PLCB1: variants seen among roughly 807,000 people sequenced by gnomAD.
PLCB1 encodes phospholipase C beta 1.
Under a neutral mutation model 161.8 loss-of-function variants are expected in PLCB1, and 46 were observed. The ratio of observed to expected loss-of-function variants is 0.28; its 90% CI spans 0.22 to 0.36. PLCB1 has a LOEUF of 0.36. Ranked by LOEUF, PLCB1 falls within the 10% of genes least tolerant of loss-of-function variation. The probability of loss-of-function intolerance (pLI) is 1.00; values close to 1 mark genes in which losing one functional copy is unlikely to be tolerated. For missense variants in PLCB1, 1,016 were observed against 1,472.5 expected (o/e 0.69, Z 5.07); for synonymous variants, 517 against 503.7 (o/e 1.03, Z -0.35).
chr20:8,443,689 T>G (rs1408132408), intron 3 of PLCB1, among the ~76,000 whole-genome samples: 4 of 152,230 alleles, frequency 2.6e-5, no homozygotes, highest in Non-Finnish European at 4.4e-5. Flanking sequence ...AAGAGCAGCA[T>G]GAAATGGTTA....
chr20:8,459,336 G>A (rs900346831), intron 3 of PLCB1, among the ~76,000 whole-genome samples: 3 of 152,104 alleles, frequency 2.0e-5, no homozygotes, highest in Non-Finnish European at 4.4e-5. Context: ...AGATCCTGGC[G>A]AGTCCTTAAA....
At chr20:8,235,476 G>A (rs1980270017) in intron 2 of PLCB1, among the ~76,000 whole-genome samples, 2 of 152,170 alleles carry the variant, frequency 1.3e-5, no homozygotes, top group East Asian at 1.9e-4. Flanking sequence ...ACAAAAAGAT[G>A]TGACAAAATT....
rs532594824 is a variant in PLCB1 at position 8,182,741 on chromosome 20, C to G, written c.177+32370C>G. ...GATTACAGGCGCCCGCAACCATGCC[C>G]GGCTAATTTTTGTGTTTTTAGTAGA... is the stretch of plus-strand genomic sequence containing the variant. On this transcript the variant is annotated intron_variant, in intron 2 of 31. Transcript: ENST00000338037. Among the ~76,000 whole-genome samples the G allele has an allele frequency of 3.3e-5, 5 of 151,780 alleles. No homozygotes were observed. The South Asian group carries it at 6.2e-4, about 19-fold the overall frequency.
chr20:8,471,132 A>G (rs906821258), intron 3 of PLCB1, among the ~76,000 whole-genome samples: 1 of 152,202 alleles, frequency 6.6e-6, no homozygotes, highest in African/African-American at 2.4e-5. Context: ...GTCATATTTA[A>G]TACCACCATT....
intron 4 of PLCB1, among the ~76,000 whole-genome samples, chr20:8,636,935 A>G (rs6086544): frequency 0.15 from 22,041 of 151,846 alleles, 1,581 homozygotes; most frequent in Middle Eastern, 0.21. Flanking sequence ...ACTCTTCTGC[A>G]TACCTCCATC....
At chr20:8,787,495 TCTC>T (rs1983546090) in intron 27 of PLCB1, among the ~76,000 whole-genome samples, 1 of 152,226 alleles carries the variant, frequency 6.6e-6, no homozygotes, top group South Asian at 2.1e-4. Flanking sequence ...GGAAAGAGAA[TCTC>T]CATCTATGGG....
At chr20:8,425,124 T>C (rs1979697809) in intron 3 of PLCB1, among the ~76,000 whole-genome samples, 1 of 122,108 alleles carries the variant, frequency 8.2e-6, no homozygotes, top group Non-Finnish European at 1.8e-5. Context: ...ACCTGCATTC[T>C]GAGGTGTTTT....
intron 31 of PLCB1, among the ~76,000 whole-genome samples, chr20:8,810,332 A>G (rs186576418): frequency 7.0e-4 from 106 of 152,188 alleles, no homozygotes; most frequent in Non-Finnish European, 1.2e-3. Flanking sequence ...CTGGCCTTTC[A>G]CTTCGGATGT....
intron 3 of PLCB1, among the ~76,000 whole-genome samples, chr20:8,593,269 T>C (rs1987208323): frequency 6.6e-6 from 1 of 151,754 alleles, no homozygotes; most frequent in African/African-American, 2.4e-5. Context: ...ACCTCCCAGG[T>C]TCAAGCGATC....
Position 8,268,190 on chromosome 20 carries a change from C to A in PLCB1, c.178-103192C>A, listed in dbSNP as rs1358189822. On this transcript the variant is annotated intron_variant, in intron 2 of 31. Coordinates refer to ENST00000338037, the MANE Select transcript of PLCB1 (RefSeq NM_015192.4). ...GTCCAAGTGTTCTCATTGTTCAATT[C>A]CCACCTATAAGTGAGAACATGCGGT... 7.2e-5 allele frequency among the ~76,000 whole-genome samples: 11 copies of A among 151,988 alleles called. No homozygotes were observed. The East Asian group carries it at 2.1e-3, about 29-fold the overall frequency.
At position 8,340,095 on chromosome 20, in the gene PLCB1, A is replaced by G. The variant is rs529682798; in HGVS notation, c.178-31287A>G. 2.7e-3 allele frequency among the ~76,000 whole-genome samples: 418 copies of G among 152,316 alleles called. 17 individuals are homozygous for G. Among genetic ancestry groups the G allele is most frequent in the Admixed American group, 0.027 (412 of 15,298 alleles). On this transcript the variant is annotated intron_variant, in intron 2 of 31. Coordinates refer to ENST00000338037, the MANE Select transcript of PLCB1 (RefSeq NM_015192.4). ...CAACCCCTCCTGTTGTACTTCCTAC[A>G]TATGATTGGTTTTCCAACTCTCTAA...
At chr20:8,306,342 A>G (rs1013187414) in intron 2 of PLCB1, 1 of 152,220 alleles carries the variant, frequency 6.6e-6, no homozygotes, top group African/African-American at 2.4e-5. Context: ...GGACTCCTGG[A>G]GACATTTAGA....
chr20:8,787,060 G>A (rs994799221), intron 27 of PLCB1, among the ~76,000 whole-genome samples: 2 of 152,158 alleles, frequency 1.3e-5, no homozygotes, highest in African/African-American at 4.8e-5. Context: ...TTAAAGTGTT[G>A]TAGGACCCTA....
At chr20:8,670,515 C>T (rs1485525301) in intron 9 of PLCB1, among the ~76,000 whole-genome samples, 4 of 152,186 alleles carry the variant, frequency 2.6e-5, no homozygotes, top group Non-Finnish European at 5.9e-5. Context: ...CACACCATAT[C>T]TTGGAGCTGT....
intron 2 of PLCB1, among the ~76,000 whole-genome samples, chr20:8,306,860 G>T (rs1984157532): frequency 6.6e-6 from 1 of 152,220 alleles, no homozygotes; most frequent in Non-Finnish European, 1.5e-5. Flanking sequence ...AGCTGCTGCT[G>T]CCATTTACAA....
At chr20:8,632,034 G>GTTTTTTTTTTTTT (rs750797408) in intron 4 of PLCB1, among the ~76,000 whole-genome samples, 6 of 81,750 alleles carry the variant, frequency 7.3e-5, no homozygotes, top group East Asian at 1.2e-3. Flanking sequence ...GGTTTTTTTT[G>GTTTTTTTTTTTTT]CTTTTTTTTT....
chr20:8,408,021 G>A (rs1267943753), intron 3 of PLCB1, among the ~76,000 whole-genome samples: 1 of 152,144 alleles, frequency 6.6e-6, no homozygotes, highest in Non-Finnish European at 1.5e-5. Context: ...TCCTAAATGG[G>A]ATCCTGGAAC....
intron 3 of PLCB1, among the ~76,000 whole-genome samples, chr20:8,412,124 A>G (rs1482087649): frequency 6.6e-6 from 1 of 152,226 alleles, no homozygotes; most frequent in Non-Finnish European, 1.5e-5. Flanking sequence ...TTGCATGTGG[A>G]GGAATACATT....
At chr20:8,842,743 C>T (rs975423746) in intron 31 of PLCB1, among the ~76,000 whole-genome samples, 3 of 152,058 alleles carry the variant, frequency 2.0e-5, no homozygotes, top group East Asian at 1.9e-4. Flanking sequence ...CTGCATGCAC[C>T]GGTAATCAGA....
Sources: gnomAD v4.1 joint callset for allele counts (sites outside exome capture counted in the v4.1 genomes callset) on GRCh38, gnomAD v4.1.1 for gene constraint, MANE v1.5 for transcripts, NCBI Gene and HGNC (gene_info 2026-07-23, HGNC 2026-07-21) for gene names.